Variants in EPS15 observed in about 807,000 individuals in gnomAD.
EPS15 encodes epidermal growth factor receptor substrate 15.
Under a neutral mutation model 113.8 loss-of-function variants are expected in EPS15, and 72 were observed. That is an observed-to-expected ratio of 0.63 (90% CI 0.52 to 0.77). The LOEUF (loss-of-function observed/expected upper bound fraction) is 0.77. Among genes scored for constraint, EPS15 ranks in the 30% least tolerant of loss-of-function variants. EPS15 has a pLI of 0.00. For synonymous variants in EPS15, 344 were observed against 363.4 expected (o/e 0.95, Z 0.61); for missense variants, 1,048 against 1,045.8 (o/e 1.00, Z -0.03).
At chr1:51,518,245 AGT>A (rs1644762565) in intron 1 of EPS15, 1 of 152,446 alleles carries the variant, frequency 6.6e-6, no homozygotes, top group Non-Finnish European at 1.5e-5. Flanking sequence ...CCAGGTTCCC[AGT>A]GTGAGTGATG....
intron 21 of EPS15, among the ~76,000 whole-genome samples, chr1:51,383,259 C>A (rs1646982374): frequency 6.6e-6 from 1 of 152,156 alleles, no homozygotes; most frequent in African/African-American, 2.4e-5. Context: ...ATATGAAAAG[C>A]CAACAGTGAA....
intron 21 of EPS15, among the ~76,000 whole-genome samples, chr1:51,388,373 G>C (rs1404179007): frequency 2.0e-5 from 3 of 152,192 alleles, no homozygotes; most frequent in Non-Finnish European, 4.4e-5. Context: ...AAGCAGGAAA[G>C]ATCCAAAATT....
At chr1:51,399,855 T>C (rs1033358824) in intron 19 of EPS15, among the ~76,000 whole-genome samples, 2 of 151,670 alleles carry the variant, frequency 1.3e-5, no homozygotes, top group Admixed American at 6.6e-5. Flanking sequence ...AGAGCAAGAC[T>C]GTCTCAAAAA....
rs1160103975 is a variant in EPS15 at position 51,450,928 on chromosome 1, T to TTG, written c.562-2795_562-2794dup. Among the ~76,000 whole-genome samples the TTG allele has an allele frequency of 7.2e-5, 11 of 151,862 alleles. 1 individual carries two copies. Among genetic ancestry groups the TTG allele is most frequent in the African/African-American group, 2.7e-4 (11 of 41,184 alleles). On this transcript the variant is annotated intron_variant, in intron 8 of 24. Coordinates refer to ENST00000371733, the MANE Select transcript of EPS15 (RefSeq NM_001981.3). ...AGCATTAAAAAAATCACAAAGAACA[T>TTG]TGTGTGTCTTAACTGTGGTGGTGCC...
At chr1:51,451,578 A>C (rs571760825) in intron 8 of EPS15, among the ~76,000 whole-genome samples, 1 of 151,682 alleles carries the variant, frequency 6.6e-6, no homozygotes, top group Admixed American at 6.5e-5. Context: ...TTAGGCATAG[A>C]ATAGGGATAA....
chr1:51,471,234 A>C (rs551293448), intron 4 of EPS15, among the ~76,000 whole-genome samples: 1 of 152,334 alleles, frequency 6.6e-6, no homozygotes, highest in East Asian at 1.9e-4. Flanking sequence ...ACTTTTATGT[A>C]TTCTGGTCAA....
intron 1 of EPS15, among the ~76,000 whole-genome samples, chr1:51,489,301 ATATATG>A (rs1644187064): frequency 7.1e-6 from 1 of 140,966 alleles, no homozygotes; most frequent in Non-Finnish European, 1.6e-5. Context: ...ATATATATAT[ATATATG>A]TATGTATGTA....
chr1:51,489,286 CATATAT>C (rs71063034), intron 1 of EPS15, among the ~76,000 whole-genome samples: 8 of 141,736 alleles, frequency 5.6e-5, no homozygotes, highest in Admixed American at 1.4e-4. Context: ...CCTAGTATAC[CATATAT>C]ATATATATAT....
chr1:51,444,235 G>C (rs1173838797), intron 11 of EPS15, among the ~76,000 whole-genome samples: 1 of 152,180 alleles, frequency 6.6e-6, no homozygotes, highest in African/African-American at 2.4e-5. Context: ...TATTGCAAAT[G>C]CATCATACTA....
intron 24 of EPS15, among the ~76,000 whole-genome samples, chr1:51,357,445 G>GATAT (rs71669549): frequency 2.3e-4 from 20 of 88,300 alleles, no homozygotes; most frequent in Admixed American, 1.4e-3. Flanking sequence ...TTTTAAATGT[G>GATAT]ATATATATAT....
chr1:51,503,608 C>CTCCA (rs1344555727), intron 1 of EPS15, among the ~76,000 whole-genome samples: 1 of 152,166 alleles, frequency 6.6e-6, no homozygotes, highest in Non-Finnish European at 1.5e-5. Context: ...CACCACAGCA[C>CTCCA]TCCAGCCTGA....
intron 1 of EPS15, among the ~76,000 whole-genome samples, chr1:51,485,361 T>A (rs1373156454): frequency 6.6e-6 from 1 of 152,158 alleles, no homozygotes; most frequent in Admixed American, 6.5e-5. Flanking sequence ...CAATAGTGAG[T>A]CTTTTTAAAA....
At chr1:51,431,027 C>CAAAA (rs35143535) in intron 12 of EPS15, among the ~76,000 whole-genome samples, 18 of 96,066 alleles carry the variant, frequency 1.9e-4, no homozygotes, top group Middle Eastern at 4.9e-3. Context: ...CACACACACA[C>CAAAA]AAAAATAAAA....
At chr1:51,449,472 T>C (rs1653352763) in intron 8 of EPS15, among the ~76,000 whole-genome samples, 1 of 152,134 alleles carries the variant, frequency 6.6e-6, no homozygotes, top group Non-Finnish European at 1.5e-5. Context: ...AAAAACTACC[T>C]ATCATTTATT....
intron 13 of EPS15, among the ~76,000 whole-genome samples, chr1:51,410,809 T>C (rs1446779235): frequency 1.3e-5 from 2 of 152,240 alleles, no homozygotes; most frequent in African/African-American, 4.8e-5. Flanking sequence ...CTGCATAGGT[T>C]ACACAAGATA....
intron 11 of EPS15, among the ~76,000 whole-genome samples, chr1:51,441,935 A>C (rs891000996): frequency 2.0e-5 from 3 of 152,122 alleles, no homozygotes; most frequent in African/African-American, 7.2e-5. Flanking sequence ...TACATCAATA[A>C]AATTTGGCAA....
chr1:51,477,964 T>C lies in EPS15; in HGVS notation c.75+3309A>G, dbSNP rs533450697. ...GGGTGGAGAGTTCTGTAGAGGTCTA[T>C]TAGGTCCGGTTGGTGCAGAGCTGAG... On this transcript the variant is annotated intron_variant, in intron 2 of 24. Coordinates refer to ENST00000371733, the MANE Select transcript of EPS15 (RefSeq NM_001981.3). Among the ~76,000 whole-genome samples the C allele has an allele frequency of 2.0e-5, 3 of 152,320 alleles. No individual in the cohort carries two copies. The South Asian group carries it at 6.2e-4, about 32-fold the overall frequency.
At chr1:51,419,371 T>C (rs143343834) in intron 13 of EPS15, among the ~76,000 whole-genome samples, 2 of 152,202 alleles carry the variant, frequency 1.3e-5, no homozygotes, top group East Asian at 3.9e-4. Flanking sequence ...CTTTCTACTC[T>C]AACTGAATTA....
chr1:51,407,191 C>CA (rs1557438166), intron 15 of EPS15, among the ~76,000 whole-genome samples: 1 of 147,922 alleles, frequency 6.8e-6, no homozygotes, highest in Non-Finnish European at 1.5e-5. Context: ...TGTTTCTATC[C>CA]TTTTTTTTTT....
Sources: gnomAD v4.1 joint callset for allele counts (sites outside exome capture counted in the v4.1 genomes callset) on GRCh38, gnomAD v4.1.1 for gene constraint, MANE v1.5 for transcripts, NCBI Gene and HGNC (gene_info 2026-07-23, HGNC 2026-07-21) for gene names.